SEMA6D: variants seen among roughly 807,000 people sequenced by gnomAD.
The protein encoded by SEMA6D is semaphorin-6D.
A neutral mutation model predicts 106.6 loss-of-function variants in SEMA6D; 35 were observed. The observed-to-expected ratio is 0.33, with a 90% confidence interval of 0.25 to 0.44. The LOEUF is 0.44. SEMA6D is among the 20% of genes least tolerant of loss of function. The pLI is 1.00. For missense variants in SEMA6D, 1,185 were observed against 1,345.9 expected (o/e 0.88, Z 1.87); for synonymous variants, 499 against 487.7 (o/e 1.02, Z -0.31).
chr15:47,432,059 G>A (rs1043943895), intron 2 of SEMA6D, among the ~76,000 whole-genome samples: 5 of 152,006 alleles, frequency 3.3e-5, no homozygotes, highest in Non-Finnish European at 5.9e-5. Context: ...ATCAAGCAAT[G>A]TGTGAGGCAC....
chr15:47,428,404 C>G (rs79127590), intron 2 of SEMA6D, among the ~76,000 whole-genome samples: 1 of 152,134 alleles, frequency 6.6e-6, no homozygotes, highest in East Asian at 1.9e-4. Context: ...TACTGCAGTT[C>G]CAAGAACAAA....
intron 3 of SEMA6D, among the ~76,000 whole-genome samples, chr15:47,503,207 A>AT (rs1207805944): frequency 6.6e-6 from 1 of 152,058 alleles, no homozygotes; most frequent in African/African-American, 2.4e-5. Flanking sequence ...AATATCCAAT[A>AT]TTTTTCTGCT....
intron 1 of SEMA6D, among the ~76,000 whole-genome samples, chr15:47,313,259 G>C (rs943616543): frequency 6.6e-6 from 1 of 152,190 alleles, no homozygotes; most frequent in Non-Finnish European, 1.5e-5. Context: ...AAAATCTTCT[G>C]TGCTTTGCCT....
chr15:47,759,745 G>A lies in SEMA6D; in HGVS notation c.-54G>A. On this transcript the variant is annotated splice_region_variant and 5_prime_UTR_variant, in exon 2 of 19. Transcript: ENST00000536845. ...TTTCCAAACTGCTTCTGTTTTCCAG[G>A]TAGCTCAGTGGCATTTCTGAGCAGG... The A allele has an allele frequency of 1.6e-6, 2 of 1,257,746 alleles. No homozygotes were observed. The highest frequency in any genetic ancestry group is 1.2e-6 in the Non-Finnish European group (1 of 855,576). 77.9% of individuals were successfully genotyped at this position (1,257,746 alleles called of 1,614,324 possible). A position where few individuals can be genotyped will look rare whatever the true frequency, so the allele number is the denominator to read the frequency against.
chr15:47,481,153 A>G (rs913715794), intron 3 of SEMA6D, among the ~76,000 whole-genome samples: 3 of 152,154 alleles, frequency 2.0e-5, no homozygotes, highest in Non-Finnish European at 2.9e-5. Context: ...GCTCAGATCC[A>G]TGACAGCTTT....
intron 1 of SEMA6D, among the ~76,000 whole-genome samples, chr15:47,365,484 A>G (rs1345818800): frequency 6.6e-6 from 1 of 152,174 alleles, no homozygotes; most frequent in African/African-American, 2.4e-5. Flanking sequence ...ATCAGCGTCT[A>G]ATCTCTTGAC....
chr15:47,521,657 A>G (rs773692451), intron 3 of SEMA6D, among the ~76,000 whole-genome samples: 55 of 152,216 alleles, frequency 3.6e-4, no homozygotes, highest in Non-Finnish European at 6.6e-4. Flanking sequence ...GTGGATTTCT[A>G]AAATCCTTCC....
At chr15:47,581,607 G>C (rs1255091946) in intron 3 of SEMA6D, among the ~76,000 whole-genome samples, 1 of 152,168 alleles carries the variant, frequency 6.6e-6, no homozygotes, top group African/African-American at 2.4e-5. Context: ...GGGGGTAAGG[G>C]ACGCAAAGGT....
chr15:47,624,715 G>A (rs141355303), intron 4 of SEMA6D, among the ~76,000 whole-genome samples: 3 of 152,296 alleles, frequency 2.0e-5, no homozygotes, highest in African/African-American at 4.8e-5. Flanking sequence ...GCAATGAAGT[G>A]CCATTACAGG....
At chr15:47,428,864 A>G (rs1221181184) in intron 2 of SEMA6D, among the ~76,000 whole-genome samples, 1 of 152,038 alleles carries the variant, frequency 6.6e-6, no homozygotes, top group African/African-American at 2.4e-5. Context: ...CAGGTACTCA[A>G]TACAAATGTG....
chr15:47,678,949 G>A (rs1428111750), intron 4 of SEMA6D, among the ~76,000 whole-genome samples: 1 of 152,170 alleles, frequency 6.6e-6, no homozygotes, highest in Non-Finnish European at 1.5e-5. Flanking sequence ...AAGCCAGGAT[G>A]TCTGACTCCA....
intron 4 of SEMA6D, among the ~76,000 whole-genome samples, chr15:47,634,992 T>C (rs1211220959): frequency 2.0e-5 from 3 of 152,178 alleles, no homozygotes; most frequent in African/African-American, 7.2e-5. Flanking sequence ...CAGACCTTTT[T>C]TGGAGCTTTT....
intron 4 of SEMA6D, among the ~76,000 whole-genome samples, chr15:47,643,838 A>G (rs1234237625): frequency 6.6e-6 from 1 of 152,208 alleles, no homozygotes; most frequent in Non-Finnish European, 1.5e-5. Context: ...ATACAGTGCT[A>G]TAGAACACTA....
chr15:47,710,589 C>T (rs1254190772), intron 4 of SEMA6D, among the ~76,000 whole-genome samples: 1 of 152,094 alleles, frequency 6.6e-6, no homozygotes, highest in Non-Finnish European at 1.5e-5. Flanking sequence ...TACACACGCA[C>T]ACACACAAAC....
rs149111351 is a variant in SEMA6D, at chr15:47,465,450, A to G, written c.-158-5024A>G. Among the ~76,000 whole-genome samples the G allele has an allele frequency of 4.0e-3, 612 of 152,308 alleles. 5 individuals carry two copies. Among genetic ancestry groups the G allele is most frequent in the African/African-American group, 0.014 (598 of 41,584 alleles). ...GTGGCTAAATTATTGCATAACTTAT[A>G]AAGGGGAAAGGTTTCTGACTTTATG... On this transcript the variant is annotated intron_variant, in intron 2 of 19. Transcript: ENST00000558014.
At chr15:47,479,011 A>G (rs1407621161) in intron 3 of SEMA6D, among the ~76,000 whole-genome samples, 7 of 151,932 alleles carry the variant, frequency 4.6e-5, no homozygotes, top group African/African-American at 2.4e-5. Context: ...CCATGATTCA[A>G]TTGCCTCCAA....
intron 3 of SEMA6D, among the ~76,000 whole-genome samples, chr15:47,575,314 A>G (rs2076137125): frequency 6.6e-6 from 1 of 152,214 alleles, no homozygotes; most frequent in Non-Finnish European, 1.5e-5. Flanking sequence ...GGGGGTAGAA[A>G]CAAAGTCAAT....
chr15:47,610,201 C>T (rs1044305185), intron 4 of SEMA6D, among the ~76,000 whole-genome samples: 4 of 152,214 alleles, frequency 2.6e-5, no homozygotes, highest in African/African-American at 9.6e-5. Flanking sequence ...TTTCAGGATA[C>T]AGGCCGTAGG....
intron 2 of SEMA6D, among the ~76,000 whole-genome samples, chr15:47,437,869 G>A (rs1295120141): frequency 2.0e-5 from 3 of 152,036 alleles, no homozygotes; most frequent in South Asian, 4.1e-4. Flanking sequence ...TTTTATTCAT[G>A]AGCCTGTTAT....
Sources: gnomAD v4.1 joint callset for allele counts (sites outside exome capture counted in the v4.1 genomes callset) on GRCh38, gnomAD v4.1.1 for gene constraint, MANE v1.5 for transcripts, NCBI Gene and HGNC (gene_info 2026-07-23, HGNC 2026-07-21) for gene names.